Variants in POF1B observed in about 807,000 individuals in gnomAD.
The protein encoded by POF1B is POF1B actin binding protein, also known as protein POF1B.
A neutral mutation model predicts 55.3 loss-of-function variants in POF1B; 53 were observed. The observed-to-expected ratio is 0.96, with a 90% CI of 0.77 to 1.20. POF1B has a LOEUF of 1.20. POF1B is among the 50% of genes most tolerant of loss of function. The pLI is 0.00. For synonymous variants in POF1B, 188 were observed against 148.3 expected (o/e 1.27, Z -1.95); for missense variants, 478 against 420.5 (o/e 1.14, Z -1.20).
At chrX:85,360,547 A>G (rs1206789620) in intron 3 of POF1B, among the ~76,000 whole-genome samples, 6 of 86,040 alleles carry the variant, frequency 7.0e-5, no homozygotes, top group African/African-American at 4.0e-4. Flanking sequence ...ATATATATAT[A>G]TATATATATA....
intron 2 of POF1B, among the ~76,000 whole-genome samples, chrX:85,373,385 C>T (rs375824717): frequency 4.5e-5 from 5 of 111,393 alleles, no homozygotes; most frequent in African/African-American, 9.8e-5. Flanking sequence ...ATTTGTACAT[C>T]GTACAATTTG....
intron 6 of POF1B, among the ~76,000 whole-genome samples, chrX:85,343,051 G>C (rs1933202669): frequency 1.0e-5 from 1 of 99,183 alleles, no homozygotes; most frequent in African/African-American, 3.7e-5. Context: ...GGGGTGGGGG[G>C]CTGGGGAGGG....
intron 15 of POF1B, among the ~76,000 whole-genome samples, chrX:85,286,180 A>T (rs766404795): frequency 1.2e-3 from 130 of 111,615 alleles, no homozygotes; most frequent in African/African-American, 4.0e-3. Context: ...CATATTAGTC[A>T]TATGAAGGAA....
intron 9 of POF1B, among the ~76,000 whole-genome samples, chrX:85,310,001 G>A (rs890208784): frequency 8.9e-6 from 1 of 111,944 alleles, no homozygotes; most frequent in African/African-American, 3.2e-5. Flanking sequence ...GGCAGTAATA[G>A]GTAGTGCACA....
In POF1B at chrX:85,345,906, A is replaced by G. The variant is rs1033156835; in HGVS notation, c.677T>C (p.Ile226Thr). ...TCCACTATGGCACAGTTCATTTCCAATATGTGTAGAAATTGGATTATTTCC... is the reference window on the plus strand; with the variant it reads ...TCCACTATGGCACAGTTCATTTCCAGTATGTGTAGAAATTGGATTATTTCC... ...ITGNNPISTHIGNELCHSGSS... is the reference protein window; with the variant it reads ...ITGNNPISTHTGNELCHSGSS... Residue 226 changes from isoleucine to threonine, a missense_variant, in exon 6 of 17, where the codon ATT becomes ACT. By Grantham distance (89) the Ile-to-Thr change is moderately conservative. Coordinates refer to ENST00000262753, the MANE Select transcript of POF1B (RefSeq NM_024921.4). 1 of 1,207,705 alleles carries G rather than the reference A, an allele frequency of 8.3e-7. No homozygotes were observed. Among genetic ancestry groups the G allele is most frequent in the East Asian group, 3.0e-5 (1 of 33,695 alleles).
intron 15 of POF1B, among the ~76,000 whole-genome samples, chrX:85,302,450 G>A (rs1603031023): frequency 9.0e-6 from 1 of 111,312 alleles, no homozygotes; most frequent in African/African-American, 3.3e-5. Flanking sequence ...AAATGGCAAC[G>A]AGGATGGGGA....
chrX:85,279,235 G>C lies in POF1B; in HGVS notation c.*186C>G, dbSNP rs1458416008. The C allele has an allele frequency of 2.4e-6, 1 of 413,444 alleles. No homozygotes were observed. The highest frequency in any genetic ancestry group is 4.3e-6 in the Non-Finnish European group (1 of 234,167). The allele number at this position is 413,444 out of a possible 1,213,427, so 34.1% of individuals were successfully genotyped here. A position where few individuals can be genotyped will look rare whatever the true frequency, so the allele number is the denominator to read the frequency against. ...CATGAGTGTTATGGAAAAGATTTAG[G>C]TCTCATAAATGGGTGAAGAAATTGT... On this transcript the variant is annotated 3_prime_UTR_variant, in exon 17 of 17. Coordinates refer to ENST00000262753, the MANE Select transcript of POF1B (RefSeq NM_024921.4).
At chrX:85,329,799 G>T (rs1932947156) in intron 7 of POF1B, among the ~76,000 whole-genome samples, 1 of 108,095 alleles carries the variant, frequency 9.3e-6, no homozygotes, top group Non-Finnish European at 1.9e-5. Context: ...CAAGTGGGAG[G>T]GAGCTAATAG....
At chrX:85,331,649 G>A (rs1320034710) in intron 6 of POF1B, among the ~76,000 whole-genome samples, 1 of 110,504 alleles carries the variant, frequency 9.0e-6, no homozygotes, top group Non-Finnish European at 1.9e-5. Context: ...GTTAGCTATA[G>A]TCTCCCCACA....
chrX:85,357,116 G>A (rs751433168), intron 4 of POF1B, among the ~76,000 whole-genome samples: 13 of 110,808 alleles, frequency 1.2e-4, no homozygotes, highest in Non-Finnish European at 2.5e-4. Flanking sequence ...AGACAACCAA[G>A]ATAATCTATC....
intron 3 of POF1B, 47 bp downstream of exon 3, chrX:85,367,645 A>G (rs1933748529): frequency 6.2e-6 from 6 of 962,951 alleles, no homozygotes; most frequent in Non-Finnish European, 8.9e-6. Context: ...GAAGACTTCC[A>G]TATAAAAAAG....
At chrX:85,325,235 T>C (rs773132308) in intron 7 of POF1B, among the ~76,000 whole-genome samples, 2 of 111,736 alleles carry the variant, frequency 1.8e-5, no homozygotes, top group Non-Finnish European at 3.8e-5. Flanking sequence ...GCCTCTCTAG[T>C]GAGGTTGGGG....
chrX:85,366,585 G>T (rs766416389), intron 3 of POF1B, among the ~76,000 whole-genome samples: 2 of 111,060 alleles, frequency 1.8e-5, no homozygotes, highest in Non-Finnish European at 3.8e-5. Context: ...ACAATTTTTT[G>T]ACTGGATTTG....
At chrX:85,306,373 G>T in intron 11 of POF1B, 40 bp from the exon 12 acceptor site, 2 of 1,158,206 alleles carry the variant, frequency 1.7e-6, no homozygotes, top group South Asian at 1.9e-5. Flanking sequence ...AATGCATTTT[G>T]TTTTTGGTGA....
chrX:85,317,619 G>A (rs923448659), intron 7 of POF1B, among the ~76,000 whole-genome samples: 3 of 110,637 alleles, frequency 2.7e-5, no homozygotes, highest in East Asian at 5.8e-4. Context: ...TTTTAATGAG[G>A]TTGTTTGTTT....
intron 7 of POF1B, among the ~76,000 whole-genome samples, chrX:85,317,809 G>T (rs1932800452): frequency 9.0e-6 from 1 of 111,486 alleles, no homozygotes; most frequent in African/African-American, 3.3e-5. Flanking sequence ...GCAAAGACAT[G>T]GAATCAACCT....
chrX:85,374,591 C>A (rs1044475805), intron 2 of POF1B, among the ~76,000 whole-genome samples: 4 of 111,987 alleles, frequency 3.6e-5, no homozygotes, highest in African/African-American at 1.3e-4. Context: ...TGAAGGAAAA[C>A]CATGGAAGGT....
At chrX:85,350,926 T>A (rs1184605115) in intron 5 of POF1B, among the ~76,000 whole-genome samples, 5 of 111,805 alleles carry the variant, frequency 4.5e-5, no homozygotes, top group Non-Finnish European at 7.6e-5. Flanking sequence ...CTAGATCTTT[T>A]ACAGTATATG....
At chrX:85,308,081 T>C (rs756641035) in intron 10 of POF1B, 43 bp downstream of exon 10, 7 of 859,180 alleles carry the variant, frequency 8.1e-6, no homozygotes, top group Non-Finnish European at 1.2e-5. Context: ...ATTAGGAAGC[T>C]AGTAACTAGA....
Sources: allele counts gnomAD v4.1 joint callset (sites outside exome capture counted in the v4.1 genomes callset), GRCh38; gene constraint gnomAD v4.1.1; transcripts MANE v1.5; gene names NCBI Gene and HGNC (gene_info 2026-07-23, HGNC 2026-07-21).